Variants in NPAS3 observed in about 807,000 individuals in gnomAD.
NPAS3 encodes the protein neuronal PAS domain-containing protein 3.
A neutral mutation model predicts 73.1 loss-of-function variants in NPAS3; 14 were observed. That is an observed-to-expected ratio of 0.19 (90% confidence interval 0.13 to 0.30). The LOEUF is 0.30. Ranked by LOEUF, NPAS3 falls within the 10% of genes least tolerant of loss-of-function variation. The pLI, the probability that NPAS3 is intolerant of heterozygous loss-of-function variation, is 1.00. For missense variants in NPAS3, 1,096 were observed against 1,250.0 expected (o/e 0.88, Z 1.86); for synonymous variants, 620 against 541.5 (o/e 1.14, Z -2.01).
intron 1 of NPAS3, among the ~76,000 whole-genome samples, chr14:33,027,902 G>T (rs1250005872): frequency 2.0e-5 from 3 of 152,112 alleles, no homozygotes; most frequent in Admixed American, 1.3e-4. Flanking sequence ...CTTTTCCTGT[G>T]CCTTCTTTTG....
chr14:33,319,729 C>A (rs1296052500), intron 3 of NPAS3, among the ~76,000 whole-genome samples: 1 of 152,100 alleles, frequency 6.6e-6, no homozygotes, highest in African/African-American at 2.4e-5. Flanking sequence ...TCCTCTTTAC[C>A]TGATGCACAG....
chr14:33,485,977 T>G (rs2051573295), intron 4 of NPAS3, among the ~76,000 whole-genome samples: 2 of 152,094 alleles, frequency 1.3e-5, no homozygotes, highest in African/African-American at 4.8e-5. Context: ...CCCCAGGTTC[T>G]GGATGTGGAT....
chr14:33,468,355 G>A (rs1200295704), intron 4 of NPAS3, among the ~76,000 whole-genome samples: 1 of 152,222 alleles, frequency 6.6e-6, no homozygotes, highest in African/African-American at 2.4e-5. Flanking sequence ...TGAAGGCCAA[G>A]CTCCATGTGT....
chr14:32,935,265 G>A (rs975264750), upstream of NPAS3, among the ~76,000 whole-genome samples: 5 of 152,206 alleles, frequency 3.3e-5, no homozygotes, highest in African/African-American at 9.6e-5. Flanking sequence ...AGTAGCGGAG[G>A]AGTTGCAGCG....
intron 2 of NPAS3, among the ~76,000 whole-genome samples, chr14:33,198,021 G>T (rs528692089): frequency 2.0e-5 from 3 of 152,114 alleles, no homozygotes; most frequent in African/African-American, 7.2e-5. Flanking sequence ...AGACCTTCAC[G>T]GTGAGTATTA....
intron 4 of NPAS3, among the ~76,000 whole-genome samples, chr14:33,369,804 A>G (rs2046006995): frequency 6.6e-6 from 1 of 152,172 alleles, no homozygotes; most frequent in Non-Finnish European, 1.5e-5. Flanking sequence ...CCCTTAAGCT[A>G]TCTTATTAGT....
chr14:33,127,157 A>C (rs1277073797), intron 2 of NPAS3, among the ~76,000 whole-genome samples: 1 of 151,418 alleles, frequency 6.6e-6, no homozygotes, highest in Non-Finnish European at 1.5e-5. Context: ...TACACATTAC[A>C]TCCTCTGTAA....
intron 5 of NPAS3, among the ~76,000 whole-genome samples, chr14:33,669,587 C>G (rs1376518569): frequency 6.6e-6 from 1 of 152,114 alleles, no homozygotes; most frequent in Admixed American, 6.5e-5. Flanking sequence ...TGAAATGCAG[C>G]GTATAATTTA....
At chr14:33,138,127 A>G (rs1007238912) in intron 2 of NPAS3, among the ~76,000 whole-genome samples, 3 of 151,516 alleles carry the variant, frequency 2.0e-5, no homozygotes, top group South Asian at 2.1e-4. Context: ...ATATGTATAC[A>G]TTTGCCATGT....
At chr14:33,504,284 C>A (rs1448097752) in intron 4 of NPAS3, among the ~76,000 whole-genome samples, 1 of 151,814 alleles carries the variant, frequency 6.6e-6, no homozygotes, top group Non-Finnish European at 1.5e-5. Flanking sequence ...GCCTTTTTTT[C>A]TTATGTTGTG....
At chr14:33,391,422 A>T (rs1226438800) in intron 4 of NPAS3, among the ~76,000 whole-genome samples, 2 of 151,904 alleles carry the variant, frequency 1.3e-5, no homozygotes, top group Admixed American at 6.6e-5. Context: ...TGAACTCCCT[A>T]CCTCAGGTGA....
At chr14:33,493,599 C>T (rs908689899) in intron 4 of NPAS3, among the ~76,000 whole-genome samples, 3 of 152,036 alleles carry the variant, frequency 2.0e-5, no homozygotes, top group Non-Finnish European at 4.4e-5. Context: ...GAGAGGCAAG[C>T]AAAGAGATGG....
chr14:33,597,762 A>G (rs537669891), intron 5 of NPAS3, among the ~76,000 whole-genome samples: 43 of 152,354 alleles, frequency 2.8e-4, no homozygotes, highest in Non-Finnish European at 3.8e-4. Context: ...AGAGGTGATC[A>G]GCTGAGAAGA....
Position 33,800,962 on chromosome 14 carries a change from C to A in NPAS3, c.2655C>A (p.Phe885Leu). The change falls in exon 12 of 12, where the codon TTC (phenylalanine) becomes TTA (leucine). Residue 885 changes from phenylalanine (F) to leucine (L), a missense_variant. Phe to Leu is a conservative substitution (Grantham distance 22). Transcript: ENST00000356141. This position sits in a 1 kb window ranked among gnomAD's most constrained non-coding sequence, Gnocchi z 6.5. ...ACCGGCTCAACATGTCAGGACCGTTCGGCGGCGCAGTGAGCGCAGCTAGCC... is the reference window on the plus strand; with the variant it reads ...ACCGGCTCAACATGTCAGGACCGTTAGGCGGCGCAGTGAGCGCAGCTAGCC... 6.3e-7 allele frequency: 1 copy of A among 1,599,440 alleles called. No individual in the cohort carries two copies. The highest frequency in any genetic ancestry group is 8.5e-7 in the Non-Finnish European group (1 of 1,173,798).
intron 4 of NPAS3, among the ~76,000 whole-genome samples, chr14:33,422,465 A>G (rs1205451394): frequency 6.6e-6 from 1 of 151,996 alleles, no homozygotes; most frequent in Non-Finnish European, 1.5e-5. Flanking sequence ...AAGGGAAATT[A>G]TATTTCTTCC....
At chr14:33,017,406 A>G (rs1435035301) in intron 1 of NPAS3, among the ~76,000 whole-genome samples, 5 of 152,320 alleles carry the variant, frequency 3.3e-5, no homozygotes, top group East Asian at 1.9e-4. Flanking sequence ...CTGAGAAGTG[A>G]TAAATTATAT....
At chr14:33,695,776 T>C (rs994895926) in intron 6 of NPAS3, among the ~76,000 whole-genome samples, 2 of 152,140 alleles carry the variant, frequency 1.3e-5, no homozygotes, top group East Asian at 3.9e-4. Flanking sequence ...AAAGAACAAA[T>C]AAAAGGAATT....
chr14:32,935,132 G>A (rs1026619881), upstream of NPAS3: 6 of 349,994 alleles, frequency 1.7e-5, no homozygotes, highest in Middle Eastern at 4.1e-4. Context: ...CCTGCCCCTC[G>A]TTCTACAGAT....
chr14:33,160,631 A>T (rs1353205501), intron 2 of NPAS3, among the ~76,000 whole-genome samples: 1 of 151,594 alleles, frequency 6.6e-6, no homozygotes, highest in Non-Finnish European at 1.5e-5. Flanking sequence ...CCTAAAACTT[A>T]AAGTATAATT....
Sources: gnomAD v4.1 joint callset for allele counts (sites outside exome capture counted in the v4.1 genomes callset) on GRCh38, gnomAD v4.1.1 for gene constraint, Gnocchi (gnomAD v3.1) non-coding constraint, MANE v1.5 for transcripts, NCBI Gene and HGNC (gene_info 2026-07-23, HGNC 2026-07-21) for gene names.